DIS3L2: variants seen among roughly 807,000 people sequenced by gnomAD.
DIS3L2 encodes the protein DIS3-like exonuclease 2.
Under a neutral mutation model 97.5 loss-of-function variants are expected in DIS3L2, and 34 were observed. The ratio of observed to expected loss-of-function variants is 0.35; its 90% CI spans 0.27 to 0.46. DIS3L2 has a LOEUF of 0.46. Among genes scored for constraint, DIS3L2 ranks in the 20% least tolerant of loss-of-function variants. The pLI, the probability that DIS3L2 is intolerant of heterozygous loss-of-function variation, is 1.00. For missense variants in DIS3L2, 1,038 were observed against 1,146.0 expected (o/e 0.91, Z 1.36); for synonymous variants, 435 against 445.2 (o/e 0.98, Z 0.29).
intron 10 of DIS3L2, among the ~76,000 whole-genome samples, chr2:232,228,300 A>C (rs1692699799): frequency 6.6e-6 from 1 of 152,214 alleles, no homozygotes; most frequent in East Asian, 1.9e-4. Context: ...CCACAAATGA[A>C]TGAAAATATG....
At chr2:232,107,777 A>G (rs1311880638) in intron 6 of DIS3L2, among the ~76,000 whole-genome samples, 4 of 152,232 alleles carry the variant, frequency 2.6e-5, no homozygotes, top group Non-Finnish European at 4.4e-5. Context: ...AAACACCTCT[A>G]TACACATAAG....
intron 17 of DIS3L2, 43 bp from the exon 18 acceptor site, chr2:232,334,326 G>GC (rs761697195): frequency 7.5e-6 from 12 of 1,601,600 alleles, no homozygotes; most frequent in Non-Finnish European, 9.4e-6. Context: ...GCTCTTCCCA[G>GC]CCCCCCAGGC....
intron 8 of DIS3L2, 93 bp from the exon 9 acceptor site, chr2:232,163,366 A>C (rs1690710097): frequency 7.4e-7 from 1 of 1,359,516 alleles, no homozygotes; most frequent in Non-Finnish European, 1.0e-6. Context: ...GGAGATTTTA[A>C]ACTTTCCCAC....
At chr2:231,988,180 C>A (rs955956540) in intron 1 of DIS3L2, among the ~76,000 whole-genome samples, 1 of 152,158 alleles carries the variant, frequency 6.6e-6, no homozygotes, top group Non-Finnish European at 1.5e-5. Flanking sequence ...GTCTACCTGA[C>A]GTTTTATAAC....
chr2:232,318,996 A>G (rs899002522), intron 14 of DIS3L2, among the ~76,000 whole-genome samples: 3 of 152,186 alleles, frequency 2.0e-5, no homozygotes, highest in Admixed American at 1.3e-4. Context: ...TGCAGTGGCC[A>G]TGGCCACTCC....
chr2:232,241,025 G>C (rs1574966491), intron 11 of DIS3L2, among the ~76,000 whole-genome samples: 1 of 152,212 alleles, frequency 6.6e-6, no homozygotes, highest in East Asian at 1.9e-4. Flanking sequence ...GGAGCTGGGT[G>C]GAGGAAGGGC....
chr2:232,050,987 G>A (rs1559574852), intron 5 of DIS3L2, among the ~76,000 whole-genome samples: 1 of 152,218 alleles, frequency 6.6e-6, no homozygotes, highest in Non-Finnish European at 1.5e-5. Flanking sequence ...AGGAGAGTTT[G>A]CGAAATGAAA....
chr2:232,165,720 G>A (rs1559694831), intron 9 of DIS3L2, among the ~76,000 whole-genome samples: 1 of 152,106 alleles, frequency 6.6e-6, no homozygotes, highest in South Asian at 2.1e-4. Flanking sequence ...TAGAGATGGG[G>A]TCTTGCTATG....
intron 5 of DIS3L2, among the ~76,000 whole-genome samples, chr2:232,059,624 T>C (rs1290915048): frequency 1.3e-5 from 2 of 152,182 alleles, no homozygotes; most frequent in African/African-American, 4.8e-5. Context: ...TTTTCAACTC[T>C]TGCCCCTATC....
At position 232,062,205 on chromosome 2, in the gene DIS3L2, A is replaced by G. The variant is rs143510672; in HGVS notation, c.367-25282A>G. Among the ~76,000 whole-genome samples the G allele has an allele frequency of 2.0e-5, 3 of 152,218 alleles. No homozygotes were observed. The East Asian group carries it at 5.8e-4, about 29-fold the overall frequency. Reference sequence around the variant, plus strand: ...ATCTCAGCTGAGAGGCAGCTTCTCCATCCTTGCCTGGTCTAGTTTTAGGTG... The same window carrying G: ...ATCTCAGCTGAGAGGCAGCTTCTCCGTCCTTGCCTGGTCTAGTTTTAGGTG... On this transcript the variant is annotated intron_variant, in intron 5 of 20. Transcript: ENST00000325385.
intron 16 of DIS3L2, 22 bp from the exon 17 acceptor site, chr2:232,333,816 GCT>G: frequency 4.4e-6 from 7 of 1,598,310 alleles, no homozygotes; most frequent in Non-Finnish European, 5.1e-6. Context: ...GGCTTGTCAG[GCT>G]CTGACCCATC....
intron 1 of DIS3L2, among the ~76,000 whole-genome samples, chr2:231,996,607 GTAT>G (rs1042286028): frequency 1.1e-4 from 16 of 152,146 alleles, no homozygotes; most frequent in Non-Finnish European, 2.1e-4. Context: ...CCCAAATTTA[GTAT>G]TTTTTGTACA....
intron 13 of DIS3L2, among the ~76,000 whole-genome samples, chr2:232,285,827 A>G (rs1165915262): frequency 6.6e-6 from 1 of 152,154 alleles, no homozygotes; most frequent in Non-Finnish European, 1.5e-5. Flanking sequence ...ACTGCTTATC[A>G]CGGGGCCCTG....
intron 14 of DIS3L2, among the ~76,000 whole-genome samples, chr2:232,326,738 T>C (rs1242326876): frequency 1.4e-5 from 2 of 146,062 alleles, no homozygotes; most frequent in Non-Finnish European, 3.0e-5. Context: ...CTGTCCTGAC[T>C]CCCAGCCCCA....
intron 9 of DIS3L2, among the ~76,000 whole-genome samples, chr2:232,166,526 G>A (rs1348554244): frequency 2.0e-5 from 3 of 152,148 alleles, no homozygotes; most frequent in Non-Finnish European, 4.4e-5. Context: ...GACCATCCTG[G>A]CCAACATGGT....
rs563717633 is a variant in DIS3L2 at position 232,255,004 on chromosome 2, A to T, written c.1425+5658A>T. Among the ~76,000 whole-genome samples, 18 of 152,328 alleles carry T rather than the reference A, an allele frequency of 1.2e-4. No individual in the cohort carries two copies. The South Asian group carries it at 3.7e-3, about 32-fold the overall frequency. ...GTAGACCTGGTTGGTTAGTCCTGGG[A>T]TGAGTATCTCTTACCCACAATCAAG... On this transcript the variant is annotated intron_variant, in intron 12 of 20. Transcript: ENST00000325385.
intron 6 of DIS3L2, among the ~76,000 whole-genome samples, chr2:232,100,138 C>T (rs1246665069): frequency 2.0e-5 from 3 of 151,804 alleles, no homozygotes; most frequent in East Asian, 1.9e-4. Context: ...TGGGCCCTGC[C>T]TCAGCCTCCT....
chr2:232,031,994 G>A (rs1003702662), intron 5 of DIS3L2, among the ~76,000 whole-genome samples: 3 of 152,130 alleles, frequency 2.0e-5, no homozygotes, highest in Non-Finnish European at 2.9e-5. Flanking sequence ...CTTTACAGTA[G>A]AATGATTTAT....
At chr2:232,173,985 T>G (rs1255306430) in intron 9 of DIS3L2, among the ~76,000 whole-genome samples, 1 of 152,200 alleles carries the variant, frequency 6.6e-6, no homozygotes, top group Admixed American at 6.5e-5. Flanking sequence ...CACTCAGGAT[T>G]TTCATAAGAA....
Sources: gnomAD v4.1 joint callset for allele counts (sites outside exome capture counted in the v4.1 genomes callset) on GRCh38, gnomAD v4.1.1 for gene constraint, MANE v1.5 for transcripts, NCBI Gene and HGNC (gene_info 2026-07-23, HGNC 2026-07-21) for gene names.